The following ABCG5 variants were observed in gnomAD, a reference collection of about 807,000 sequenced individuals.
The protein encoded by ABCG5 is ATP-binding cassette sub-family G member 5.
A neutral mutation model predicts 64.5 loss-of-function variants in ABCG5; 64 were observed. The observed-to-expected ratio is 0.99, with a 90% CI of 0.81 to 1.22. The LOEUF (loss-of-function observed/expected upper bound fraction) is 1.22. Among genes scored for constraint, ABCG5 ranks in the 50% most tolerant of loss-of-function variants. The pLI is 0.00. For synonymous variants in ABCG5, 385 were observed against 326.3 expected, an observed-to-expected ratio of 1.18 and a Z score of -1.94; for missense variants, 908 against 829.5, an observed-to-expected ratio of 1.09 and a Z score of -1.16.
In ABCG5 at chr2:43,812,983, A is replaced by AAT. The variant is rs1396350163; in HGVS notation, c.*131_*132dup. ...GGCCTGCTTGGATCCAAGAGGCACA[A>AAT]ATGGAGTCTTAATGGTTAAAAGACT... On this transcript the variant is annotated 3_prime_UTR_variant, in exon 13 of 13. Coordinates refer to ENST00000405322, the MANE Select transcript of ABCG5 (RefSeq NM_022436.3). The AAT allele has an allele frequency of 1.4e-6, 1 of 690,904 alleles. No individual in the cohort carries two copies. Among genetic ancestry groups the AAT allele is most frequent in the Non-Finnish European group, 2.7e-6 (1 of 374,478 alleles). 42.8% of individuals were successfully genotyped at this position (690,904 alleles called of 1,614,324 possible). A position where few individuals can be genotyped will look rare whatever the true frequency, so the allele number is the denominator to read the frequency against.
intron 5 of ABCG5, among the ~76,000 whole-genome samples, chr2:43,827,432 G>A (rs931171118): frequency 6.6e-6 from 1 of 152,078 alleles, no homozygotes; most frequent in African/African-American, 2.4e-5. Flanking sequence ...CTACCACAGT[G>A]CAAAGAAAGG....
At chr2:43,824,182 C>A (rs750705703) in intron 8 of ABCG5, 37 bp downstream of exon 8, 36 of 1,613,940 alleles carry the variant, frequency 2.2e-5, no homozygotes, top group Non-Finnish European at 1.9e-5. Flanking sequence ...GGCTAAAGAC[C>A]TCTAACAGGC....
In ABCG5 at chr2:43,828,033, G is replaced by A. The variant is rs780730956; in HGVS notation, c.584C>T (p.Thr195Met). The change falls in exon 5 of 13, where the codon ACG becomes ATG. Residue 195 changes from threonine (T) to methionine (M), a missense_variant. Thr to Met is a moderately conservative substitution (Grantham distance 81). Transcript: ENST00000405322. ...IGNYSLGGIS[T>M]GERRRVSIAA... The stretch of plus-strand genomic sequence containing the variant: ...GATGGAGACCCGGCGCCGCTCACCC[G>A]TGGAAATGCCCCCCAAGCTGTAGTT... 6.2e-6 allele frequency: 10 copies of A among 1,613,986 alleles called. No homozygotes were observed. Among genetic ancestry groups the A allele is most frequent in the Middle Eastern group, 1.6e-4 (1 of 6,084 alleles).
At chr2:43,822,049 T>C (rs923493565) in intron 10 of ABCG5, among the ~76,000 whole-genome samples, 4 of 152,170 alleles carry the variant, frequency 2.6e-5, no homozygotes, top group Non-Finnish European at 5.9e-5. Flanking sequence ...TGTTTTTTGA[T>C]GGTCTTATTT....
At chr2:43,810,254 A>G (rs1290307341), downstream of ABCG5, 1 of 656,094 alleles carries the variant, frequency 1.5e-6, no homozygotes, top group African/African-American at 2.0e-5. Context: ...GGAGATGCAC[A>G]TTCCCAGGTC....
intron 5 of ABCG5, among the ~76,000 whole-genome samples, chr2:43,827,414 G>A (rs760306135): frequency 1.3e-5 from 2 of 151,790 alleles, no homozygotes; most frequent in Non-Finnish European, 2.9e-5. Context: ...AGAACAGGCC[G>A]TCCTGGTCTA....
chr2:43,828,859 G>A (rs1282059877), intron 4 of ABCG5, among the ~76,000 whole-genome samples: 2 of 47,978 alleles, frequency 4.2e-5, no homozygotes, highest in African/African-American at 1.2e-4. Flanking sequence ...CCAGCTACTC[G>A]GAGGCTAAGG....
At position 43,827,787 on chromosome 2, in the gene ABCG5, G is replaced by A. The variant is rs566946618; in HGVS notation, c.634+196C>T. 2.1e-3 allele frequency among the ~76,000 whole-genome samples: 322 copies of A among 152,226 alleles called. 1 individual carries two copies. The highest frequency in any genetic ancestry group is 3.9e-3 in the Non-Finnish European group (263 of 68,006). On this transcript the variant is annotated intron_variant, in intron 5 of 12. Coordinates refer to ENST00000405322, the MANE Select transcript of ABCG5 (RefSeq NM_022436.3). ...TCCGGGTCCAGGAGCTGTTTTGTTT[G>A]GATGATGGAATCGCATCAGGAAATG...
chr2:43,824,223 G>A lies in ABCG5; in HGVS notation c.1114C>T (p.Leu372=). Residue 372 remains leucine (L), a synonymous_variant, in exon 8 of 13, where the codon CTG becomes TTG. Coordinates refer to ENST00000405322, the MANE Select transcript of ABCG5 (RefSeq NM_022436.3). ...TCACATTTGTGAGCCTCTTACCTCAGGAGAACACCCAGTTTAGAGAAAACT... is the reference window on the plus strand; with the variant it reads ...TCACATTTGTGAGCCTCTTACCTCAAGAGAACACCCAGTTTAGAGAAAACT... ...PGVFSKLGVL[L]RRVTRNLVRN... is the part of the protein sequence containing the mutation. 1 of 1,614,206 alleles carries A rather than the reference G, an allele frequency of 6.2e-7. No individual in the cohort carries two copies. The highest frequency in any genetic ancestry group is 8.5e-7 in the Non-Finnish European group (1 of 1,180,046).
At position 43,813,325 on chromosome 2, in the gene ABCG5, T is replaced by G. The variant is rs373162711; in HGVS notation, c.1763-16A>C. On this transcript the variant is annotated splice_polypyrimidine_tract_variant and intron_variant, in intron 12 of 12. Transcript: ENST00000405322. ...TTTGAGCTGCCTGTCAAGGAAAAGA[T>G]TGACAGTGTCAGGTGTGGTTTATCT... The G allele has an allele frequency of 2.2e-5, 35 of 1,573,842 alleles. 1 individual carries two copies. The highest frequency in any genetic ancestry group is 3.3e-5 in the Admixed American group (2 of 59,710).
At position 43,824,231 on chromosome 2, in the gene ABCG5, C is replaced by A. The variant is rs1466823892; in HGVS notation, c.1106G>T (p.Gly369Val). 3 of 1,614,206 alleles carry A rather than the reference C, an allele frequency of 1.9e-6. No homozygotes were observed. Among genetic ancestry groups the A allele is most frequent in the Non-Finnish European group, 2.5e-6 (3 of 1,180,028 alleles). The change falls in exon 8 of 13, where the codon GGT (glycine) becomes GTT (valine). Residue 369 changes from glycine (G) to valine (V), a missense_variant. Coordinates refer to ENST00000405322, the MANE Select transcript of ABCG5 (RefSeq NM_022436.3). Reference sequence around the variant, plus strand: ...GTGAGCCTCTTACCTCAGGAGAACACCCAGTTTAGAGAAAACTCCAGGAGA... The same window carrying A: ...GTGAGCCTCTTACCTCAGGAGAACAACCAGTTTAGAGAAAACTCCAGGAGA... The part of the protein sequence containing the change: ...KDSPGVFSKL[G>V]VLLRRVTRNL...
chr2:43,807,072 T>A, the ABCG5 span, among the ~76,000 whole-genome samples: 2 of 152,192 alleles, frequency 1.3e-5, no homozygotes, highest in African/African-American at 2.4e-5. Flanking sequence ...TGTTATTTCA[T>A]TGATAATCCG....
intron 2 of ABCG5, among the ~76,000 whole-genome samples, chr2:43,833,207 A>G (rs1381242901): frequency 6.6e-6 from 1 of 152,134 alleles, no homozygotes; most frequent in Non-Finnish European, 1.5e-5. Flanking sequence ...TCATGGAGAC[A>G]GAATAGACCT....
At chr2:43,822,192 A>G (rs980103673) in intron 10 of ABCG5, among the ~76,000 whole-genome samples, 5 of 152,114 alleles carry the variant, frequency 3.3e-5, no homozygotes, top group Non-Finnish European at 7.4e-5. Flanking sequence ...CCTTCTTGTA[A>G]ACCTGACTTG....
At chr2:43,819,044 A>G in intron 11 of ABCG5, among the ~76,000 whole-genome samples, 1 of 152,198 alleles carries the variant, frequency 6.6e-6, no homozygotes, top group East Asian at 1.9e-4. Flanking sequence ...CTTATCTGAA[A>G]ATGGATTGCT....
intron 11 of ABCG5, among the ~76,000 whole-genome samples, chr2:43,817,896 C>T (rs1253502527): frequency 1.3e-5 from 2 of 151,604 alleles, no homozygotes; most frequent in Non-Finnish European, 2.9e-5. Context: ...GGTGACAGAG[C>T]GCGATTCCCT....
intron 2 of ABCG5, chr2:43,832,744 C>T (rs1467214308): frequency 1.3e-5 from 2 of 153,612 alleles, no homozygotes; most frequent in African/African-American, 4.8e-5. Context: ...CTAGGAAGTT[C>T]CCACAGAGGG....
intron 2 of ABCG5, 93 bp from the exon 3 acceptor site, chr2:43,832,176 G>A: frequency 6.6e-7 from 1 of 1,518,018 alleles, no homozygotes; most frequent in Non-Finnish European, 8.9e-7. Context: ...TGACCCCGCG[G>A]GCCATGAGTG....
intron 10 of ABCG5, chr2:43,822,543 C>G (rs1012578156): frequency 1.0e-6 from 1 of 985,026 alleles, no homozygotes; most frequent in African/African-American, 1.8e-5. Context: ...CAGGCCCTGC[C>G]GTGAATGTGG....
Sources: allele counts gnomAD v4.1 joint callset (sites outside exome capture counted in the v4.1 genomes callset), GRCh38; gene constraint gnomAD v4.1.1; transcripts MANE v1.5; gene names NCBI Gene and HGNC (gene_info 2026-07-23, HGNC 2026-07-21).